The following WWOX variants were observed in gnomAD, a reference collection of about 807,000 sequenced individuals.
WWOX encodes the protein WW domain-containing oxidoreductase.
Under a neutral mutation model 46.2 loss-of-function variants are expected in WWOX, and 69 were observed. The ratio of observed to expected loss-of-function variants is 1.49; its 90% CI spans 1.23 to 1.82. The LOEUF (loss-of-function observed/expected upper bound fraction) is 1.82. Among genes scored for constraint, WWOX ranks in the 40% most tolerant of loss-of-function variants. The pLI, the probability that WWOX is intolerant of heterozygous loss-of-function variation, is 0.00. For missense variants in WWOX, 919 were observed against 542.6 expected, an observed-to-expected ratio of 1.69 and a Z score of -6.89; for synonymous variants, 359 against 202.6, an observed-to-expected ratio of 1.77 and a Z score of -6.56.
At chr16:78,237,480 T>A (rs1438427023) in intron 5 of WWOX, 2 of 152,128 alleles carry the variant, frequency 1.3e-5, no homozygotes, top group Non-Finnish European at 2.9e-5. Context: ...GCAGCCAGGC[T>A]CCTATCCCTC....
At chr16:78,191,992 A>G (rs928198910) in intron 5 of WWOX, among the ~76,000 whole-genome samples, 3 of 152,164 alleles carry the variant, frequency 2.0e-5, no homozygotes, top group Admixed American at 1.3e-4. Flanking sequence ...AATGACAAAG[A>G]TGCGGTTATC....
intron 8 of WWOX, among the ~76,000 whole-genome samples, chr16:78,971,763 T>C (rs1434669782): frequency 6.7e-6 from 1 of 148,752 alleles, no homozygotes; most frequent in East Asian, 2.1e-4. Context: ...TTTTGTGCTG[T>C]TGGGTTCCAA....
chr16:78,999,296 C>G (rs759618779), intron 8 of WWOX, among the ~76,000 whole-genome samples: 3 of 152,200 alleles, frequency 2.0e-5, no homozygotes, highest in East Asian at 3.9e-4. Flanking sequence ...CATGGAGAAA[C>G]CCCGTCTCTA....
intron 5 of WWOX, among the ~76,000 whole-genome samples, chr16:78,213,186 G>C (rs1036584798): frequency 3.3e-5 from 5 of 150,634 alleles, no homozygotes; most frequent in Non-Finnish European, 7.4e-5. Context: ...TGGAGGCAGA[G>C]GCTGCAGAGA....
In WWOX at chr16:78,734,182, C is replaced by T. The variant is rs59782506; in HGVS notation, c.1056+301430C>T. Reference sequence around the variant, plus strand: ...ATTCTAGTTAGAGACTTAGGATTTCCAGTGACTGAAATTGGAATGTTAGGT... The same window carrying T: ...ATTCTAGTTAGAGACTTAGGATTTCTAGTGACTGAAATTGGAATGTTAGGT... On this transcript the variant is annotated intron_variant, in intron 8 of 8. Coordinates refer to ENST00000566780, the MANE Select transcript of WWOX (RefSeq NM_016373.4). Among the ~76,000 whole-genome samples the T allele has an allele frequency of 5.5e-3, 834 of 152,206 alleles. 7 individuals are homozygous for T. Among genetic ancestry groups the T allele is most frequent in the African/African-American group, 0.018 (763 of 41,538 alleles).
At chr16:78,502,129 G>C in intron 8 of WWOX, among the ~76,000 whole-genome samples, 1 of 152,108 alleles carries the variant, frequency 6.6e-6, no homozygotes, top group East Asian at 1.9e-4. Flanking sequence ...CTGGAGCTTT[G>C]CAGGGCCTAT....
At chr16:78,500,904 C>T (rs74029397) in intron 8 of WWOX, among the ~76,000 whole-genome samples, 1,625 of 152,270 alleles carry the variant, frequency 0.011, 32 homozygotes, top group African/African-American at 0.037. Context: ...GAATTCAAAG[C>T]CAGTGTGTCT....
At chr16:79,175,968 C>G (rs547461486) in intron 8 of WWOX, among the ~76,000 whole-genome samples, 110 of 152,280 alleles carry the variant, frequency 7.2e-4, no homozygotes, top group African/African-American at 2.6e-3. Flanking sequence ...TGTCAAATTC[C>G]TTAGCTTCAT....
chr16:78,379,742 T>A (rs2081913417), intron 5 of WWOX, among the ~76,000 whole-genome samples: 1 of 152,172 alleles, frequency 6.6e-6, no homozygotes, highest in Non-Finnish European at 1.5e-5. Flanking sequence ...TCCCAGCTAA[T>A]TCCTAGGCAA....
intron 8 of WWOX, among the ~76,000 whole-genome samples, chr16:78,682,918 A>C (rs2047763661): frequency 1.3e-5 from 2 of 152,136 alleles, no homozygotes; most frequent in African/African-American, 4.8e-5. Flanking sequence ...TTTCGTGACT[A>C]AACATCATAA....
At chr16:78,934,604 C>G (rs574529907) in intron 8 of WWOX, among the ~76,000 whole-genome samples, 4 of 152,116 alleles carry the variant, frequency 2.6e-5, no homozygotes, top group South Asian at 2.1e-4. Context: ...TTACCCTACC[C>G]TCTTCCCCTA....
intron 5 of WWOX, among the ~76,000 whole-genome samples, chr16:78,246,577 C>G (rs546032719): frequency 6.6e-5 from 10 of 152,298 alleles, no homozygotes; most frequent in South Asian, 2.1e-4. Flanking sequence ...GTTTTTATGT[C>G]AGTTAAACCA....
chr16:78,823,058 A>G (rs553861604), intron 8 of WWOX, among the ~76,000 whole-genome samples: 1 of 152,362 alleles, frequency 6.6e-6, no homozygotes, highest in East Asian at 1.9e-4. Context: ...CTTTTATTGC[A>G]TGCTTTGAAG....
At chr16:79,072,947 A>C (rs59460481) in intron 8 of WWOX, among the ~76,000 whole-genome samples, 169 of 152,042 alleles carry the variant, frequency 1.1e-3, no homozygotes, top group Middle Eastern at 3.4e-3. Context: ...CCCCATTTGG[A>C]CTCCGGGTCA....
At chr16:78,430,832 A>G (rs1316475413) in intron 7 of WWOX, among the ~76,000 whole-genome samples, 1 of 152,178 alleles carries the variant, frequency 6.6e-6, no homozygotes, top group Non-Finnish European at 1.5e-5. Context: ...GGGATATTTA[A>G]TTTCCATTAA....
At chr16:79,169,024 T>A (rs185617609) in intron 8 of WWOX, among the ~76,000 whole-genome samples, 4 of 152,304 alleles carry the variant, frequency 2.6e-5, no homozygotes, top group African/African-American at 9.6e-5. Flanking sequence ...AAAGTGAAAG[T>A]TATGGAGAAT....
chr16:78,108,429 C>G lies in WWOX; in HGVS notation c.114C>G (p.Thr38=), dbSNP rs372635270. The part of the protein sequence containing the change: ...KDGWVYYANH[T]EEKTQWEHPK... The stretch of plus-strand genomic sequence containing the variant: ...ATTTTTTGTTTTTTAACAGTCACAC[C>G]GAGGAGAAGACTCAGTGGGAACATC... Residue 38 remains threonine, a synonymous_variant, in exon 2 of 9, where the codon ACC becomes ACG. Transcript: ENST00000566780. 6.2e-7 allele frequency: 1 copy of G among 1,613,212 alleles called. No individual in the cohort carries two copies. The highest frequency in any genetic ancestry group is 1.1e-5 in the South Asian group (1 of 91,046).
intron 8 of WWOX, among the ~76,000 whole-genome samples, chr16:78,539,224 A>G (rs141927225): frequency 1.1e-4 from 17 of 152,332 alleles, no homozygotes; most frequent in South Asian, 4.1e-4. Flanking sequence ...CAACTGAACT[A>G]TGGTGGTTAG....
At chr16:78,886,471 A>G (rs190481835) in intron 8 of WWOX, among the ~76,000 whole-genome samples, 2 of 151,910 alleles carry the variant, frequency 1.3e-5, no homozygotes, top group Admixed American at 6.6e-5. Context: ...TAAATAACAC[A>G]TCATTGAACA....
Sources: allele counts gnomAD v4.1 joint callset (sites outside exome capture counted in the v4.1 genomes callset), GRCh38; gene constraint gnomAD v4.1.1; transcripts MANE v1.5; gene names NCBI Gene and HGNC (gene_info 2026-07-23, HGNC 2026-07-21).